The following ZNF385D variants were observed in gnomAD, a reference collection of about 807,000 sequenced individuals.
The protein encoded by ZNF385D is zinc finger protein 385D, also known as zinc finger protein 659.
ZNF385D carries 15 observed loss-of-function variants against 35.8 expected under a neutral mutation model. The observed-to-expected ratio is 0.42, with a 90% CI of 0.28 to 0.64. ZNF385D has a LOEUF of 0.64. Ranked by LOEUF, ZNF385D falls within the 30% of genes least tolerant of loss-of-function variation. The probability of loss-of-function intolerance (pLI) is 0.23; values close to 1 mark genes in which losing one functional copy is unlikely to be tolerated. For missense variants in ZNF385D, 474 were observed against 494.6 expected, an observed-to-expected ratio of 0.96 and a Z score of 0.39; for synonymous variants, 212 against 186.8, an observed-to-expected ratio of 1.13 and a Z score of -1.10.
intron 3 of ZNF385D, among the ~76,000 whole-genome samples, chr3:21,865,797 G>A (rs374077822): frequency 9.2e-5 from 14 of 152,114 alleles, no homozygotes; most frequent in African/African-American, 3.4e-4. Flanking sequence ...AATTGATCTA[G>A]TTACTATATT....
At chr3:22,109,900 C>A (rs1375617472) in intron 3 of ZNF385D, among the ~76,000 whole-genome samples, 1 of 152,104 alleles carries the variant, frequency 6.6e-6, no homozygotes, top group South Asian at 2.1e-4. Context: ...GGCTACTCAT[C>A]TGACAAATAT....
At chr3:22,333,567 T>C (rs1332523518) in intron 2 of ZNF385D, among the ~76,000 whole-genome samples, 1 of 152,156 alleles carries the variant, frequency 6.6e-6, no homozygotes, top group Non-Finnish European at 1.5e-5. Context: ...ATTTACCCCA[T>C]CCAGAGAGTT....
At chr3:22,080,663 C>T (rs1027964009) in intron 3 of ZNF385D, among the ~76,000 whole-genome samples, 1 of 151,972 alleles carries the variant, frequency 6.6e-6, no homozygotes, top group Admixed American at 6.6e-5. Context: ...ATAAATATCG[C>T]TATATTCTGA....
chr3:22,069,448 C>T (rs193140597), intron 3 of ZNF385D, among the ~76,000 whole-genome samples: 3 of 152,164 alleles, frequency 2.0e-5, no homozygotes, highest in Non-Finnish European at 2.9e-5. Flanking sequence ...ACAAGAACCC[C>T]GAGGGGTGTG....
chr3:21,810,615 T>C (rs1463503011), intron 3 of ZNF385D, among the ~76,000 whole-genome samples: 1 of 152,124 alleles, frequency 6.6e-6, no homozygotes, highest in Non-Finnish European at 1.5e-5. Flanking sequence ...AATTAGTTAC[T>C]TTTAGAGAAG....
intron 2 of ZNF385D, among the ~76,000 whole-genome samples, chr3:22,313,222 G>T (rs971390820): frequency 1.3e-5 from 2 of 148,624 alleles, no homozygotes; most frequent in East Asian, 4.1e-4. Context: ...ACACGGGAAG[G>T]GGAACATCAC....
At chr3:22,180,779 C>T (rs1033522797) in intron 2 of ZNF385D, among the ~76,000 whole-genome samples, 7 of 152,086 alleles carry the variant, frequency 4.6e-5, no homozygotes, top group Admixed American at 2.0e-4. Flanking sequence ...ATTGATGGGA[C>T]ATATCTCAAA....
At chr3:22,249,687 A>G (rs1449436112) in intron 2 of ZNF385D, among the ~76,000 whole-genome samples, 1 of 152,196 alleles carries the variant, frequency 6.6e-6, no homozygotes, top group African/African-American at 2.4e-5. Flanking sequence ...AACAGCAGCA[A>G]TCATTTTTGA....
chr3:21,693,882 CTTTTTTT>C (rs555946193), intron 1 of ZNF385D, among the ~76,000 whole-genome samples: 11 of 118,394 alleles, frequency 9.3e-5, no homozygotes, highest in Admixed American at 1.8e-4. Flanking sequence ...CTTTTTTTTT[CTTTTTTT>C]TTTTTTTTTG....
chr3:21,750,941 G>A lies in ZNF385D; in HGVS notation c.-25C>T. On this transcript the variant is annotated 5_prime_UTR_variant, in exon 1 of 8. Transcript: ENST00000281523. ...TTAATCAGACAGCTGGAATCCCACC[G>A]CGGTGTCTTCAGCATCAGCTCTCAC... 1.2e-6 allele frequency: 2 copies of A among 1,614,050 alleles called. No homozygotes were observed. The highest frequency in any genetic ancestry group is 1.7e-5 in the Admixed American group (1 of 60,004).
chr3:22,029,056 C>A lies in ZNF385D; in HGVS notation c.325+139761G>T, dbSNP rs527938883. On this transcript the variant is annotated intron_variant, in intron 3 of 5. Transcript: ENST00000494108. ...TAGCACAGTTTTTGCTTCCTGTTCC[C>A]GTGACATTACATTCTGCTGGCCTAG... Among the ~76,000 whole-genome samples the A allele has an allele frequency of 2.0e-5, 3 of 152,194 alleles. No individual in the cohort carries two copies. The South Asian group carries it at 6.2e-4, about 32-fold the overall frequency.
chr3:21,472,837 C>G lies in ZNF385D; in HGVS notation c.440-35634G>C, dbSNP rs1223107308. On this transcript the variant is annotated intron_variant, in intron 4 of 7. Coordinates refer to ENST00000281523, the MANE Select transcript of ZNF385D (RefSeq NM_024697.3). ...AACTTCTTTGTTTTATTTGCATCGCCTGCCCACATTGCTGGGTAGAGTTAT... is the reference window on the plus strand; with the variant it reads ...AACTTCTTTGTTTTATTTGCATCGCGTGCCCACATTGCTGGGTAGAGTTAT... Among the ~76,000 whole-genome samples, 11 of 152,258 alleles carry G rather than the reference C, an allele frequency of 7.2e-5. No homozygotes were observed. The East Asian group carries it at 1.7e-3, about 24-fold the overall frequency.
At chr3:21,511,620 A>G in intron 3 of ZNF385D, 1 of 449,416 alleles carries the variant, frequency 2.2e-6, no homozygotes, top group South Asian at 1.6e-5. Flanking sequence ...CTCACTTCTT[A>G]CCAAGGGTAG....
chr3:22,040,646 T>G (rs929990008), intron 3 of ZNF385D, among the ~76,000 whole-genome samples: 9 of 152,164 alleles, frequency 5.9e-5, no homozygotes, highest in African/African-American at 2.2e-4. Flanking sequence ...TGGTAAAGAA[T>G]TATGGGAACA....
At chr3:22,072,649 G>A (rs1041928180) in intron 3 of ZNF385D, among the ~76,000 whole-genome samples, 2 of 151,774 alleles carry the variant, frequency 1.3e-5, no homozygotes, top group African/African-American at 4.8e-5. Context: ...ATGCTAGATA[G>A]GAAGGCAAGA....
intron 1 of ZNF385D, among the ~76,000 whole-genome samples, chr3:21,721,389 T>C (rs915954119): frequency 1.6e-4 from 17 of 107,596 alleles, no homozygotes; most frequent in Non-Finnish European, 3.5e-4. Context: ...TGGTCTAAAA[T>C]AGCCTTCCCA....
At chr3:22,155,887 T>G (rs953241435) in intron 3 of ZNF385D, among the ~76,000 whole-genome samples, 2 of 152,108 alleles carry the variant, frequency 1.3e-5, no homozygotes, top group East Asian at 3.9e-4. Context: ...ACATGTAAAT[T>G]ACACATAAGG....
intron 3 of ZNF385D, among the ~76,000 whole-genome samples, chr3:22,072,912 A>G (rs1819022): frequency 0.65 from 99,117 of 151,736 alleles, 33,280 homozygotes; most frequent in African/African-American, 0.81. Context: ...GGGAAGATTC[A>G]GGGCCAAGAG....
chr3:21,696,046 G>A (rs1304969852), intron 1 of ZNF385D, among the ~76,000 whole-genome samples: 5 of 152,080 alleles, frequency 3.3e-5, no homozygotes, highest in South Asian at 2.1e-4. Flanking sequence ...GGTCCAGATC[G>A]GTAAATCATT....
Sources: allele counts gnomAD v4.1 joint callset (sites outside exome capture counted in the v4.1 genomes callset), GRCh38; gene constraint gnomAD v4.1.1; transcripts MANE v1.5; gene names NCBI Gene and HGNC (gene_info 2026-07-23, HGNC 2026-07-21).